Variants in CLIP1 observed in about 807,000 individuals in gnomAD.
The protein encoded by CLIP1 is CAP-Gly domain containing linker protein 1.
In CLIP1, 66 loss-of-function variants were observed where a neutral mutation model predicts 161.6. That is an observed-to-expected ratio of 0.41 (90% CI 0.33 to 0.50). The LOEUF (loss-of-function observed/expected upper bound fraction) is 0.50. Among genes scored for constraint, CLIP1 ranks in the 20% least tolerant of loss-of-function variants. The probability of loss-of-function intolerance (pLI) is 0.27; values close to 1 mark genes in which losing one functional copy is unlikely to be tolerated. For synonymous variants in CLIP1, 598 were observed against 626.2 expected (o/e 0.96, Z 0.67); for missense variants, 1,376 against 1,702.0 (o/e 0.81, Z 3.37).
intron 1 of CLIP1, among the ~76,000 whole-genome samples, chr12:122,382,382 A>G (rs1009645703): frequency 1.3e-5 from 2 of 151,668 alleles, no homozygotes; most frequent in Non-Finnish European, 2.9e-5. Flanking sequence ...AAAATTAGCC[A>G]GGCGTTGTGG....
intron 11 of CLIP1, among the ~76,000 whole-genome samples, chr12:122,338,948 T>C (rs1326271299): frequency 2.0e-5 from 3 of 152,206 alleles, no homozygotes; most frequent in Admixed American, 6.5e-5. Flanking sequence ...TTGCTGTTTG[T>C]CAGTCCTCAC....
At chr12:122,360,088 A>G (rs942152354) in intron 5 of CLIP1, among the ~76,000 whole-genome samples, 2 of 152,206 alleles carry the variant, frequency 1.3e-5, no homozygotes, top group African/African-American at 4.8e-5. Context: ...AAGAGGAAAG[A>G]AGAGAGTAAT....
intron 14 of CLIP1, 30 bp from the exon 15 acceptor site, chr12:122,333,173 C>G: frequency 2.6e-6 from 4 of 1,562,914 alleles, no homozygotes; most frequent in Non-Finnish European, 3.5e-6. Flanking sequence ...AAGAATAGCA[C>G]GGCTGTGTTA....
At chr12:122,416,752 T>C (rs1012988172) in intron 1 of CLIP1, among the ~76,000 whole-genome samples, 2 of 151,868 alleles carry the variant, frequency 1.3e-5, no homozygotes, top group African/African-American at 2.4e-5. Context: ...AATATAAAAC[T>C]AGCCGGGTGT....
At chr12:122,291,486 G>A (rs190503182) in intron 20 of CLIP1, among the ~76,000 whole-genome samples, 7 of 152,284 alleles carry the variant, frequency 4.6e-5, no homozygotes, top group Non-Finnish European at 7.4e-5. Context: ...TATCACGCCC[G>A]GCCAGTTCCT....
chr12:122,404,151 T>A (rs1170765345), intron 1 of CLIP1, among the ~76,000 whole-genome samples: 1 of 152,174 alleles, frequency 6.6e-6, no homozygotes, highest in Non-Finnish European at 1.5e-5. Context: ...AGGGAAAATG[T>A]GTGTGACGCC....
chr12:122,310,028 C>T (rs1951008821), intron 19 of CLIP1, 146 bp from the exon 20 acceptor site: 1 of 856,584 alleles, frequency 1.2e-6, no homozygotes, highest in South Asian at 1.9e-5. Flanking sequence ...GTATTATCTA[C>T]ATGCAGAAGG....
intron 11 of CLIP1, among the ~76,000 whole-genome samples, chr12:122,339,902 T>C (rs1362230572): frequency 1.3e-5 from 2 of 152,174 alleles, no homozygotes; most frequent in Non-Finnish European, 2.9e-5. Flanking sequence ...TAGGCAACTG[T>C]AACACAATGC....
intron 15 of CLIP1, among the ~76,000 whole-genome samples, chr12:122,328,832 C>T (rs1251201818): frequency 1.3e-5 from 2 of 152,154 alleles, no homozygotes; most frequent in African/African-American, 2.4e-5. Context: ...TCGCCTGCCT[C>T]GGCCTCCCAA....
chr12:122,319,162 G>T, intron 18 of CLIP1, 70 bp downstream of exon 18: 1 of 1,048,884 alleles, frequency 9.5e-7, no homozygotes, highest in Non-Finnish European at 1.5e-6. Flanking sequence ...GCAATCCTGA[G>T]TCAGTGACCA....
In CLIP1 at chr12:122,420,420, T is replaced by C. The variant is rs564107564; in HGVS notation, c.-107+2101A>G. 9.9e-5 allele frequency among the ~76,000 whole-genome samples: 15 copies of C among 152,022 alleles called. 1 individual carries two copies. The South Asian group carries it at 3.1e-3, about 32-fold the overall frequency. On this transcript the variant is annotated intron_variant, in intron 1 of 25. Transcript: ENST00000620786. ...ACAGAAACCAGATTAGCTTATGTCA[T>C]GCTGAAGTGCAAGCTGGAGCTGAAG...
chr12:122,390,267 CATATATATATACATATATATATAT>C (rs1335051470), intron 1 of CLIP1, among the ~76,000 whole-genome samples: 45 of 71,300 alleles, frequency 6.3e-4, no homozygotes, highest in African/African-American at 1.7e-3. Context: ...TATACACACA[CATATATATATACATATATATATAT>C]ATATATATAT....
At chr12:122,367,068 C>T (rs1432993173) in intron 3 of CLIP1, among the ~76,000 whole-genome samples, 1 of 152,172 alleles carries the variant, frequency 6.6e-6, no homozygotes, top group East Asian at 1.9e-4. Flanking sequence ...ATGATGCAAC[C>T]TCTTCAGACA....
Position 122,363,845 on chromosome 12 carries a change from TAGC to T in CLIP1, c.782+135_782+137del, listed in dbSNP as rs757010727. On this transcript the variant is annotated intron_variant, in intron 4 of 25. Transcript: ENST00000620786. ...CAATTTTAGTGTGGGGAAAAAAAAT[TAGC>T]AGATGGGTCTTAGGAAATAAAAGTG... 2.1e-4 allele frequency: 241 copies of T among 1,153,544 alleles called. 3 individuals carry two copies. The highest frequency in any genetic ancestry group is 2.9e-4 in the Non-Finnish European group (236 of 821,428). The allele number at this position is 1,153,544 out of a possible 1,614,324, so 71.5% of individuals were successfully genotyped here. A position where few individuals can be genotyped will look rare whatever the true frequency, so the allele number is the denominator to read the frequency against.
chr12:122,309,553 T>C (rs562926224), intron 20 of CLIP1, among the ~76,000 whole-genome samples: 1 of 152,302 alleles, frequency 6.6e-6, no homozygotes, highest in African/African-American at 2.4e-5. Flanking sequence ...GTTCTGTGTG[T>C]TTTTTAAAGG....
At chr12:122,380,325 A>G (rs1954961396) in intron 2 of CLIP1, 43 bp downstream of exon 2, 7 of 1,160,386 alleles carry the variant, frequency 6.0e-6, no homozygotes, top group African/African-American at 1.6e-5. Flanking sequence ...AGCAAATTGA[A>G]GTCTCCATAT....
chr12:122,354,416 A>C lies in CLIP1; in HGVS notation c.1307+37T>G, dbSNP rs183566677. On this transcript the variant is annotated intron_variant, in intron 7 of 25. Coordinates refer to ENST00000620786, the MANE Select transcript of CLIP1 (RefSeq NM_001247997.2). ...TCTCAAAAACAAAAAAAAAGGGGGAAAGGCCACACTTGCACCAGGAAACAG... is the reference window on the plus strand; with the variant it reads ...TCTCAAAAACAAAAAAAAAGGGGGACAGGCCACACTTGCACCAGGAAACAG... 2.6e-6 allele frequency: 4 copies of C among 1,544,780 alleles called. No individual in the cohort carries two copies. In the East Asian group the frequency reaches 9.1e-5, roughly 35 times the overall value.
intron 1 of CLIP1, among the ~76,000 whole-genome samples, chr12:122,419,867 C>T (rs1381077269): frequency 7.6e-6 from 1 of 131,172 alleles, no homozygotes; most frequent in Non-Finnish European, 1.6e-5. Flanking sequence ...GCCTGGGAAG[C>T]GGAGGTTGCA....
At chr12:122,320,950 C>T (rs919331063) in intron 17 of CLIP1, among the ~76,000 whole-genome samples, 13 of 151,258 alleles carry the variant, frequency 8.6e-5, no homozygotes, top group Admixed American at 2.0e-4. Context: ...TCTCGTGATC[C>T]GCCTGCAACA....
Sources: gnomAD v4.1 joint callset for allele counts (sites outside exome capture counted in the v4.1 genomes callset) on GRCh38, gnomAD v4.1.1 for gene constraint, MANE v1.5 for transcripts, NCBI Gene and HGNC (gene_info 2026-07-23, HGNC 2026-07-21) for gene names.